Variants in GRIA4 observed in about 807,000 individuals in gnomAD.
GRIA4 encodes the protein glutamate receptor 4.
Under a neutral mutation model 104.0 loss-of-function variants are expected in GRIA4, and 34 were observed. The observed-to-expected ratio is 0.33, with a 90% CI of 0.25 to 0.44. GRIA4 has a LOEUF of 0.44. Among genes scored for constraint, GRIA4 ranks in the 20% least tolerant of loss-of-function variants. The pLI, the probability that GRIA4 is intolerant of heterozygous loss-of-function variation, is 1.00. For missense variants in GRIA4, 750 were observed against 1,096.5 expected (o/e 0.68, Z 4.46); for synonymous variants, 386 against 381.9 (o/e 1.01, Z -0.13).
chr11:105,832,687 A>ACAAAT (rs1430589998), intron 4 of GRIA4, among the ~76,000 whole-genome samples: 5 of 151,878 alleles, frequency 3.3e-5, no homozygotes, highest in Admixed American at 3.3e-4. Flanking sequence ...GTCCATGGAG[A>ACAAAT]TACCTGTGTT....
intron 3 of GRIA4, among the ~76,000 whole-genome samples, chr11:105,740,926 T>C (rs970381251): frequency 5.3e-5 from 8 of 152,136 alleles, no homozygotes; most frequent in Non-Finnish European, 1.0e-4. Flanking sequence ...ACTCCAAATA[T>C]GATGAGAAGC....
At chr11:105,652,118 A>G (rs1330463016) in intron 3 of GRIA4, among the ~76,000 whole-genome samples, 2 of 152,180 alleles carry the variant, frequency 1.3e-5, no homozygotes, top group Non-Finnish European at 2.9e-5. Flanking sequence ...ATTGAAATTT[A>G]CTGATATTTT....
chr11:105,883,198 C>A (rs1028298952), intron 5 of GRIA4, among the ~76,000 whole-genome samples: 2 of 151,722 alleles, frequency 1.3e-5, no homozygotes, highest in South Asian at 2.1e-4. Flanking sequence ...TCGTTGAGAG[C>A]GTATAATTGA....
chr11:105,924,518 C>G lies in GRIA4; in HGVS notation c.1596C>G (p.Ser532=). The G allele has an allele frequency of 6.2e-7, 1 of 1,613,314 alleles. No individual in the cohort carries two copies. ...ISIMIKKPQK[S]KPGVFSFLDP... is the part of the protein sequence containing the mutation. ...TCATGATCAAAAAGCCTCAGAAATC[C>G]AAACCAGGAGTGTTTTCCTTCTTGG... Residue 532 remains serine (S), a synonymous_variant, in exon 12 of 17, where the codon TCC becomes TCG. Transcript: ENST00000282499.
intron 4 of GRIA4, among the ~76,000 whole-genome samples, chr11:105,819,914 C>T (rs1943517137): frequency 6.6e-6 from 1 of 152,010 alleles, no homozygotes; most frequent in South Asian, 2.1e-4. Context: ...GCCTCTAACC[C>T]AGTGTGACTA....
chr11:105,775,175 G>A (rs982758735), intron 4 of GRIA4, among the ~76,000 whole-genome samples: 1 of 151,988 alleles, frequency 6.6e-6, no homozygotes, highest in African/African-American at 2.4e-5. Context: ...TTCTCCTCTT[G>A]CATCCCTCTT....
intron 11 of GRIA4, among the ~76,000 whole-genome samples, chr11:105,923,231 T>G (rs1032292647): frequency 6.6e-6 from 1 of 152,152 alleles, no homozygotes; most frequent in Non-Finnish European, 1.5e-5. Context: ...AAATAAACAA[T>G]CAAAACTCCC....
At chr11:105,926,699 G>T in intron 12 of GRIA4, 42 bp from the exon 13 acceptor site, 2 of 1,189,904 alleles carry the variant, frequency 1.7e-6, no homozygotes, top group Non-Finnish European at 2.5e-6. Flanking sequence ...TCTCTATGTT[G>T]GTTAAAGAAA....
At chr11:105,733,042 C>T (rs1256675460) in intron 3 of GRIA4, among the ~76,000 whole-genome samples, 1 of 152,164 alleles carries the variant, frequency 6.6e-6, no homozygotes, top group Non-Finnish European at 1.5e-5. Flanking sequence ...ATATTATCTT[C>T]TTTCCCTGTG....
intron 14 of GRIA4, among the ~76,000 whole-genome samples, chr11:105,942,768 C>A (rs1026251726): frequency 6.6e-6 from 1 of 152,040 alleles, no homozygotes; most frequent in African/African-American, 2.4e-5. Context: ...AGTTCAACTT[C>A]CATAAATTTT....
intron 14 of GRIA4, 70 bp downstream of exon 14, chr11:105,934,039 G>A: frequency 7.9e-7 from 1 of 1,261,118 alleles, no homozygotes; most frequent in South Asian, 1.5e-5. Flanking sequence ...GTGCCTGAGA[G>A]AATTATTTTG....
chr11:105,775,559 C>A (rs559387354), intron 4 of GRIA4, among the ~76,000 whole-genome samples: 1 of 151,796 alleles, frequency 6.6e-6, no homozygotes, highest in African/African-American at 2.4e-5. Flanking sequence ...AGGCAAATGA[C>A]AGCTAGGAAA....
At chr11:105,710,518 A>G (rs958247913) in intron 3 of GRIA4, among the ~76,000 whole-genome samples, 2 of 152,182 alleles carry the variant, frequency 1.3e-5, no homozygotes, top group Non-Finnish European at 2.9e-5. Flanking sequence ...AAAAAGAGAC[A>G]TGAGTATCTT....
chr11:105,768,636 C>T (rs904734932), intron 4 of GRIA4, among the ~76,000 whole-genome samples: 9 of 151,894 alleles, frequency 5.9e-5, no homozygotes, highest in South Asian at 2.1e-4. Context: ...GAATGAGTGA[C>T]GTTTTGGGGA....
chr11:105,753,266 A>G (rs1156937750), intron 4 of GRIA4, 46 bp downstream of exon 4: 1 of 1,587,040 alleles, frequency 6.3e-7, no homozygotes, highest in Non-Finnish European at 8.6e-7. Context: ...CTAATTTTCA[A>G]TGTGAAATGG....
chr11:105,869,312 C>T lies in GRIA4; in HGVS notation c.672+7104C>T, dbSNP rs1591373439. Among the ~76,000 whole-genome samples the T allele has an allele frequency of 2.0e-5, 3 of 152,216 alleles. No individual in the cohort carries two copies. In the East Asian group the frequency reaches 5.8e-4, roughly 29 times the overall value. ...TGTTTTAGTTGATGCTGCAAGAACACTTACTGGAACAATTTCTACTATTGT... is the reference window on the plus strand; with the variant it reads ...TGTTTTAGTTGATGCTGCAAGAACATTTACTGGAACAATTTCTACTATTGT... On this transcript the variant is annotated intron_variant, in intron 5 of 16. Transcript: ENST00000282499.
At chr11:105,973,299 C>T (rs1285621998) in intron 15 of GRIA4, among the ~76,000 whole-genome samples, 1 of 152,102 alleles carries the variant, frequency 6.6e-6, no homozygotes, top group Admixed American at 6.6e-5. Flanking sequence ...GACTACAGGG[C>T]ATCCTTCAGG....
rs115907041 is a variant in GRIA4 at position 105,672,224 on chromosome 11, T to C, written c.247+59790T>C. ...CAGGATTGCATTCAATTAAAATGAGTTGAATAATCACAAGTTTCATTTTTT... is the reference window on the plus strand; with the variant it reads ...CAGGATTGCATTCAATTAAAATGAGCTGAATAATCACAAGTTTCATTTTTT... On this transcript the variant is annotated intron_variant, in intron 3 of 16. Transcript: ENST00000282499. 2.2e-3 allele frequency among the ~76,000 whole-genome samples: 337 copies of C among 152,216 alleles called. 2 individuals carry two copies. The highest frequency in any genetic ancestry group is 7.6e-3 in the African/African-American group (314 of 41,554).
At chr11:105,907,076 A>G (rs1295633782) in intron 9 of GRIA4, among the ~76,000 whole-genome samples, 2 of 152,210 alleles carry the variant, frequency 1.3e-5, no homozygotes, top group Non-Finnish European at 2.9e-5. Context: ...CATTCTCTAT[A>G]AGAGAAAGAA....
Sources: gnomAD v4.1 joint callset for allele counts (sites outside exome capture counted in the v4.1 genomes callset) on GRCh38, gnomAD v4.1.1 for gene constraint, MANE v1.5 for transcripts, NCBI Gene and HGNC (gene_info 2026-07-23, HGNC 2026-07-21) for gene names.